Variants in DNAH17 observed in about 807,000 individuals in gnomAD.
The protein encoded by DNAH17 is dynein axonemal heavy chain 17, also known as axonemal beta dynein heavy chain 17.
A neutral mutation model predicts 485.6 loss-of-function variants in DNAH17; 376 were observed. That is an observed-to-expected ratio of 0.77 (90% confidence interval 0.71 to 0.84). The LOEUF (loss-of-function observed/expected upper bound fraction) is 0.84. DNAH17 is among the 40% of genes least tolerant of loss of function. DNAH17 has a pLI of 0.00. For missense variants in DNAH17, 6,370 were observed against 5,839.3 expected, an observed-to-expected ratio of 1.09 and a Z score of -2.96; for synonymous variants, 3,031 against 2,405.9, an observed-to-expected ratio of 1.26 and a Z score of -7.60.
intron 25 of DNAH17, among the ~76,000 whole-genome samples, chr17:78,517,534 C>A (rs998872310): frequency 6.6e-6 from 1 of 152,202 alleles, no homozygotes; most frequent in Non-Finnish European, 1.5e-5. Flanking sequence ...CTTGGCCTGT[C>A]CTTATCTTTC....
At chr17:78,472,764 T>A (rs901705600) in intron 54 of DNAH17, 1 of 454,690 alleles carries the variant, frequency 2.2e-6, no homozygotes, top group African/African-American at 2.0e-5. Context: ...CCCCCTCCGT[T>A]CTCCCTTCTC....
chr17:78,560,986 G>A (rs2092141801), intron 12 of DNAH17, 51 bp from the exon 13 acceptor site: 2 of 1,498,142 alleles, frequency 1.3e-6, no homozygotes, highest in African/African-American at 2.8e-5. Context: ...CCTGTGGGGT[G>A]TCTTCGGCAC....
chr17:78,546,614 T>C (rs1160633015), intron 16 of DNAH17, among the ~76,000 whole-genome samples: 2 of 152,172 alleles, frequency 1.3e-5, no homozygotes, highest in Non-Finnish European at 2.9e-5. Flanking sequence ...ATTTTGGAAA[T>C]AAAAATTGCA....
chr17:78,499,487 T>C (rs1172308735), intron 36 of DNAH17: 2 of 156,992 alleles, frequency 1.3e-5, no homozygotes, highest in African/African-American at 4.8e-5. Context: ...GGGGCACGTC[T>C]AGCAGGCCGG....
intron 54 of DNAH17, chr17:78,472,618 C>G (rs779999725): frequency 7.4e-6 from 3 of 403,714 alleles, no homozygotes; most frequent in East Asian, 9.4e-5. Context: ...CGCCTGGCCC[C>G]GGGGGCTGTG....
At position 78,428,547 on chromosome 17, in the gene DNAH17, G is replaced by A. The variant is rs200518897; in HGVS notation, c.12566C>T (p.Thr4189Met). Reference protein sequence around the residue: ...QPKETDSGAGTGVSREEKVKA... With the variant: ...QPKETDSGAGMGVSREEKVKA... ...TGCCTTCTCCTCGCGGGACACTCCC[G>A]TGCCTGCCCCCGAGTCCGTCTCTTT... The change falls in exon 77 of 81, where the codon ACG (threonine) becomes ATG (methionine). Residue 4189 changes from threonine to methionine, a missense_variant. By Grantham distance (81) the Thr-to-Met change is moderately conservative. Coordinates refer to ENST00000389840, the MANE Select transcript of DNAH17 (RefSeq NM_173628.4). The A allele has an allele frequency of 2.2e-5, 36 of 1,610,748 alleles. No individual in the cohort carries two copies. In the Admixed American group the frequency reaches 2.9e-4, roughly 13 times the overall value.
rs36105841 is a variant in DNAH17 at position 78,451,633 on chromosome 17, T to TG, written c.10569dup (p.Lys3524GlnfsTer66). ...TTGGTGTGTAGGATCAGGCGGAACT[T>TG]GGGGTGGTACTCCACCTCCTTGTCA... On this transcript the variant is annotated frameshift_variant, in exon 66 of 81. Coordinates refer to ENST00000389840, the MANE Select transcript of DNAH17 (RefSeq NM_173628.4). LOFTEE classifies it high-confidence loss of function. The TG allele has an allele frequency of 6.3e-7, 1 of 1,597,222 alleles. No individual in the cohort carries two copies. Among genetic ancestry groups the TG allele is most frequent in the South Asian group, 1.1e-5 (1 of 88,844 alleles).
intron 75 of DNAH17, among the ~76,000 whole-genome samples, chr17:78,431,947 G>C (rs576402430): frequency 6.6e-6 from 1 of 152,160 alleles, no homozygotes; most frequent in South Asian, 2.1e-4. Context: ...CGAGGTGGGC[G>C]GATGACTTGA....
At chr17:78,480,378 C>T (rs571199490) in intron 49 of DNAH17, among the ~76,000 whole-genome samples, 4 of 152,086 alleles carry the variant, frequency 2.6e-5, no homozygotes, top group East Asian at 1.9e-4. Context: ...AAAAAAAGAA[C>T]GGTATGTCCC....
intron 54 of DNAH17, among the ~76,000 whole-genome samples, chr17:78,470,319 C>T (rs1442982320): frequency 2.0e-5 from 3 of 150,520 alleles, no homozygotes; most frequent in Admixed American, 6.6e-5. Flanking sequence ...CTGCCCACCT[C>T]GGCCTCCCAA....
chr17:78,510,754 C>CCCCCA, intron 26 of DNAH17: 2 of 405,120 alleles, frequency 4.9e-6, no homozygotes, highest in South Asian at 6.8e-5. Context: ...AATTGCGGCC[C>CCCCCA]CCCCGCAAAA....
chr17:78,492,478 C>A (rs1320582191), intron 42 of DNAH17, among the ~76,000 whole-genome samples, 155 bp downstream of exon 42: 2 of 152,218 alleles, frequency 1.3e-5, no homozygotes, highest in South Asian at 2.1e-4. Context: ...TCCCCATAAA[C>A]TTTGTTACCA....
In DNAH17 at chr17:78,561,930, C is replaced by T; in HGVS notation, c.1620G>A (p.Glu540=). ...GCATGACTGAATACCTGGGCGCCACCTCGGCAAGAATCAGGGGCCGCTCCA... is the reference window on the plus strand; with the variant it reads ...GCATGACTGAATACCTGGGCGCCACTTCGGCAAGAATCAGGGGCCGCTCCA... The part of the protein sequence containing the change: ...GLMERPLILA[E]VAPRYSVMLE... The change falls in exon 12 of 81, where the codon GAG becomes GAA. Residue 540 remains glutamate, a synonymous_variant. Coordinates refer to ENST00000389840, the MANE Select transcript of DNAH17 (RefSeq NM_173628.4). 6.2e-7 allele frequency: 1 copy of T among 1,613,320 alleles called. No individual in the cohort carries two copies. Among genetic ancestry groups the T allele is most frequent in the Non-Finnish European group, 8.5e-7 (1 of 1,179,596 alleles).
rs55669221 is a variant in DNAH17 at position 78,544,800 on chromosome 17, C to CAAAAAAAAAAAAAAAAAAAAAAAA, written c.2392-827_2392-804dup. On this transcript the variant is annotated intron_variant, in intron 16 of 80. Coordinates refer to ENST00000389840, the MANE Select transcript of DNAH17 (RefSeq NM_173628.4). Reference sequence around the variant, plus strand: ...TGGGGCACAGAGCGAGACTCAGTCTCAAAAAAAAAAAAAAAAAAAAAAAAG... The same window carrying CAAAAAAAAAAAAAAAAAAAAAAAA: ...TGGGGCACAGAGCGAGACTCAGTCTCAAAAAAAAAAAAAAAAAAAAAAAAAAAAAAAAAAAAAAAAAAAAAAAAG... Among the ~76,000 whole-genome samples, 53 of 46,862 alleles carry CAAAAAAAAAAAAAAAAAAAAAAAA rather than the reference C, an allele frequency of 1.1e-3. 2 individuals are homozygous for CAAAAAAAAAAAAAAAAAAAAAAAA. Among genetic ancestry groups the CAAAAAAAAAAAAAAAAAAAAAAAA allele is most frequent in the East Asian group, 2.5e-3 (4 of 1,622 alleles). 30.7% of individuals were successfully genotyped at this position (46,862 alleles called of 152,430 possible).
rs991220825 is a variant in DNAH17 at position 78,468,525 on chromosome 17, C to T, written c.8778+92G>A. On this transcript the variant is annotated intron_variant, in intron 55 of 80. Coordinates refer to ENST00000389840, the MANE Select transcript of DNAH17 (RefSeq NM_173628.4). ...ATTTCACATCCCATGAAGGATCAGT[C>T]CTCCTGCTCTATGCAGAGCAAAAAC... The T allele has an allele frequency of 5.6e-6, 8 of 1,420,496 alleles. No homozygotes were observed. In the African/African-American group the frequency reaches 7.2e-5, roughly 13 times the overall value. 88.0% of individuals were successfully genotyped at this position (1,420,496 alleles called of 1,614,324 possible). A position where few individuals can be genotyped will look rare whatever the true frequency, so the allele number is the denominator to read the frequency against.
chr17:78,450,345 T>TTC lies in DNAH17; in HGVS notation c.10947_10948dup (p.Asn3650ArgfsTer17). Reference sequence around the variant, plus strand: ...TGCCCTCTCCGCAGCCGGGCGGTAGTTCTCTCTCGCTTCGTTGATTTTAAC... The same window carrying TTC: ...TGCCCTCTCCGCAGCCGGGCGGTAGTTCTCTCTCTCGCTTCGTTGATTTTAAC... On this transcript the variant is annotated frameshift_variant, in exon 68 of 81. Transcript: ENST00000389840. LOFTEE classifies it high-confidence loss of function. The TTC allele has an allele frequency of 1.9e-6, 3 of 1,613,964 alleles. No individual in the cohort carries two copies. The highest frequency in any genetic ancestry group is 2.5e-6 in the Non-Finnish European group (3 of 1,179,862).
chr17:78,566,970 A>C, intron 10 of DNAH17, 29 bp downstream of exon 10: 1 of 1,591,248 alleles, frequency 6.3e-7, no homozygotes, highest in South Asian at 1.1e-5. Context: ...CACCGAGTCC[A>C]GTTCATCCAA....
At chr17:78,461,476 G>A (rs975906687) in intron 58 of DNAH17, 68 bp downstream of exon 58, 52 of 1,415,266 alleles carry the variant, frequency 3.7e-5, no homozygotes, top group African/African-American at 1.8e-4. Flanking sequence ...CTGACCACAC[G>A]TGGAAGCCCA....
At chr17:78,554,473 G>GAAAAAAAAAAAAA (rs1568246690) in intron 14 of DNAH17, among the ~76,000 whole-genome samples, 2 of 124,752 alleles carry the variant, frequency 1.6e-5, no homozygotes, top group African/African-American at 3.0e-5. Context: ...AAAAAAAAAG[G>GAAAAAAAAAAAAA]ATAGGTTCTA....
Sources: allele counts gnomAD v4.1 joint callset (sites outside exome capture counted in the v4.1 genomes callset), GRCh38; gene constraint gnomAD v4.1.1; transcripts MANE v1.5; gene names NCBI Gene and HGNC (gene_info 2026-07-23, HGNC 2026-07-21).